Variants in PLCB1 observed in about 807,000 individuals in gnomAD.
The protein encoded by PLCB1 is phospholipase C beta 1.
PLCB1 carries 46 observed loss-of-function variants against 161.8 expected under a neutral mutation model. That is an observed-to-expected ratio of 0.28 (90% CI 0.22 to 0.36). The LOEUF is 0.36. PLCB1 is among the 10% of genes least tolerant of loss of function. The probability of loss-of-function intolerance (pLI) is 1.00; values close to 1 mark genes in which losing one functional copy is unlikely to be tolerated. For synonymous variants in PLCB1, 517 were observed against 503.7 expected (o/e 1.03, Z -0.35); for missense variants, 1,016 against 1,472.5 (o/e 0.69, Z 5.07).
intron 2 of PLCB1, among the ~76,000 whole-genome samples, chr20:8,218,810 T>C (rs1979264499): frequency 6.6e-6 from 1 of 152,048 alleles, no homozygotes; most frequent in African/African-American, 2.4e-5. Flanking sequence ...GCCAGCACAT[T>C]CCTGCACAAG....
intron 10 of PLCB1, among the ~76,000 whole-genome samples, chr20:8,697,283 G>T (rs79791532): frequency 6.6e-6 from 1 of 152,068 alleles, no homozygotes; most frequent in Non-Finnish European, 1.5e-5. Flanking sequence ...TGTGAAATGG[G>T]TATTTTTTTA....
At chr20:8,330,782 T>A (rs1257051132) in intron 2 of PLCB1, among the ~76,000 whole-genome samples, 1 of 152,204 alleles carries the variant, frequency 6.6e-6, no homozygotes, top group Non-Finnish European at 1.5e-5. Context: ...CTAGTTGAGT[T>A]GAAGGAATGC....
At chr20:8,563,326 A>C (rs1986207044) in intron 3 of PLCB1, among the ~76,000 whole-genome samples, 1 of 152,056 alleles carries the variant, frequency 6.6e-6, no homozygotes, top group Non-Finnish European at 1.5e-5. Flanking sequence ...CTGAAAAAAA[A>C]TTTAGTTCCC....
intron 1 of PLCB1, among the ~76,000 whole-genome samples, chr20:8,147,398 C>T (rs1057060223): frequency 1.3e-5 from 2 of 152,104 alleles, no homozygotes; most frequent in Admixed American, 1.3e-4. Context: ...AGTCAAAGGT[C>T]CCAAGAGTCG....
intron 7 of PLCB1, among the ~76,000 whole-genome samples, chr20:8,655,572 G>T (rs1465982064): frequency 6.6e-6 from 1 of 152,030 alleles, no homozygotes; most frequent in Non-Finnish European, 1.5e-5. Flanking sequence ...TAAATAGACG[G>T]GAAGGAAAAG....
At chr20:8,433,706 T>TTCC (rs1384335137) in intron 3 of PLCB1, among the ~76,000 whole-genome samples, 1 of 146,664 alleles carries the variant, frequency 6.8e-6, no homozygotes, top group Non-Finnish European at 1.5e-5. Flanking sequence ...CCTTCTCCTC[T>TTCC]TCCTCCTCCT....
intron 23 of PLCB1, chr20:8,751,800 C>A (rs1981494073): frequency 6.6e-6 from 1 of 152,000 alleles, no homozygotes; most frequent in African/African-American, 2.4e-5. Flanking sequence ...ATCTTTGAAT[C>A]AAATTAAGAA....
At chr20:8,776,632 C>A (rs182198336) in intron 27 of PLCB1, among the ~76,000 whole-genome samples, 1 of 152,158 alleles carries the variant, frequency 6.6e-6, no homozygotes, top group Non-Finnish European at 1.5e-5. Flanking sequence ...GCATTTTCAT[C>A]GCCTTAAAAA....
intron 12 of PLCB1, among the ~76,000 whole-genome samples, chr20:8,712,847 C>T (rs1979092537): frequency 6.6e-6 from 1 of 152,216 alleles, no homozygotes; most frequent in South Asian, 2.1e-4. Context: ...TCTGCTATGA[C>T]CTGAAGCTCA....
At chr20:8,555,946 A>G (rs1012023448) in intron 3 of PLCB1, among the ~76,000 whole-genome samples, 4 of 151,382 alleles carry the variant, frequency 2.6e-5, no homozygotes, top group Non-Finnish European at 4.4e-5. Flanking sequence ...TTTAGACTTG[A>G]CAAATTACAT....
chr20:8,167,934 G>A (rs1459482170), intron 2 of PLCB1, among the ~76,000 whole-genome samples: 2 of 152,052 alleles, frequency 1.3e-5, no homozygotes, highest in Non-Finnish European at 2.9e-5. Context: ...GCTACTCATG[G>A]GTTGGATGTG....
chr20:8,443,256 A>G (rs1317476556), intron 3 of PLCB1, among the ~76,000 whole-genome samples: 1 of 152,172 alleles, frequency 6.6e-6, no homozygotes, highest in Non-Finnish European at 1.5e-5. Flanking sequence ...CTGGGATTAC[A>G]GGCGTGAGCC....
At chr20:8,669,831 G>C (rs1989901338) in intron 9 of PLCB1, among the ~76,000 whole-genome samples, 2 of 152,184 alleles carry the variant, frequency 1.3e-5, no homozygotes, top group South Asian at 4.1e-4. Flanking sequence ...ACATAATTAT[G>C]TTCTGGGTCT....
intron 9 of PLCB1, among the ~76,000 whole-genome samples, chr20:8,661,641 G>T (rs1989625137): frequency 6.6e-6 from 1 of 151,866 alleles, no homozygotes; most frequent in Non-Finnish European, 1.5e-5. Context: ...CATGATAGCT[G>T]CCTTGTTTTA....
intron 3 of PLCB1, among the ~76,000 whole-genome samples, chr20:8,616,338 A>G (rs1303551716): frequency 6.6e-6 from 1 of 152,170 alleles, no homozygotes; most frequent in Admixed American, 6.6e-5. Flanking sequence ...AGAAATTTGC[A>G]TAACATGCTA....
At chr20:8,288,101 T>G (rs1472753919) in intron 2 of PLCB1, among the ~76,000 whole-genome samples, 1 of 152,180 alleles carries the variant, frequency 6.6e-6, no homozygotes, top group African/African-American at 2.4e-5. Flanking sequence ...CAGAGGACCC[T>G]CCAATCGGTA....
chr20:8,732,545 A>G (rs1224860146), intron 18 of PLCB1, among the ~76,000 whole-genome samples: 3 of 148,706 alleles, frequency 2.0e-5, no homozygotes, highest in Admixed American at 1.3e-4. Flanking sequence ...ATTAGATATT[A>G]TATTCTAATA....
chr20:8,458,605 CAG>C (rs1981432544), intron 3 of PLCB1, among the ~76,000 whole-genome samples: 1 of 152,122 alleles, frequency 6.6e-6, no homozygotes, highest in African/African-American at 2.4e-5. Context: ...TTAGATGAAA[CAG>C]AGACTTGGGG....
intron 18 of PLCB1, chr20:8,729,424 A>G (rs1980113595): frequency 7.2e-6 from 2 of 277,006 alleles, no homozygotes; most frequent in Non-Finnish European, 1.3e-5. Flanking sequence ...AAAAATTTTT[A>G]TGCTTTTTAA....
Sources: allele counts gnomAD v4.1 joint callset (sites outside exome capture counted in the v4.1 genomes callset), GRCh38; gene constraint gnomAD v4.1.1; transcripts MANE v1.5; gene names NCBI Gene and HGNC (gene_info 2026-07-23, HGNC 2026-07-21).